The following TPD52 variants were observed in gnomAD, a reference collection of about 807,000 sequenced individuals.
TPD52 encodes the protein prostate and colon associated protein.
Under a neutral mutation model 31.3 loss-of-function variants are expected in TPD52, and 17 were observed. That is an observed-to-expected ratio of 0.54 (90% CI 0.37 to 0.82). TPD52 has a LOEUF of 0.82. Ranked by LOEUF, TPD52 falls within the 40% of genes least tolerant of loss-of-function variation. TPD52 has a pLI of 0.00. For missense variants in TPD52, 212 were observed against 240.1 expected, an observed-to-expected ratio of 0.88 and a Z score of 0.77; for synonymous variants, 83 against 89.6, an observed-to-expected ratio of 0.93 and a Z score of 0.42.
intron 1 of TPD52, among the ~76,000 whole-genome samples, chr8:80,139,035 T>C (rs1246006382): frequency 1.3e-5 from 2 of 151,928 alleles, no homozygotes; most frequent in African/African-American, 2.4e-5. Flanking sequence ...ACCCCATGAG[T>C]CTGCCTCCCG....
intron 1 of TPD52, among the ~76,000 whole-genome samples, chr8:80,131,517 G>T (rs1021038086): frequency 1.3e-5 from 2 of 152,186 alleles, no homozygotes; most frequent in African/African-American, 2.4e-5. Flanking sequence ...GCTACTCCTT[G>T]GCAAGACTCC....
intron 2 of TPD52, among the ~76,000 whole-genome samples, chr8:80,063,524 G>A (rs934160518): frequency 1.3e-5 from 2 of 152,134 alleles, no homozygotes; most frequent in East Asian, 1.9e-4. Context: ...AATTATACTC[G>A]TTAATTTTTT....
chr8:80,034,432 C>T (rs893871368), downstream of TPD52, among the ~76,000 whole-genome samples: 1 of 152,186 alleles, frequency 6.6e-6, no homozygotes, highest in African/African-American at 2.4e-5. Flanking sequence ...CCCAGCCATG[C>T]TTCCCTTGCT....
rs531860192 is a variant in TPD52, at chr8:80,134,642, G to A, written c.19+36783C>T. 2.0e-5 allele frequency among the ~76,000 whole-genome samples: 3 copies of A among 152,346 alleles called. No individual in the cohort carries two copies. In the East Asian group the frequency reaches 5.8e-4, roughly 29 times the overall value. On this transcript the variant is annotated intron_variant, in intron 1 of 7. Coordinates refer to ENST00000518937, the MANE Select transcript of TPD52 (RefSeq NM_001025253.3). The stretch of plus-strand genomic sequence containing the variant: ...TCTCCTTTCTGATCCGAGAGAGAGT[G>A]TGTCATGAAGACACTCAGGCAGCTC...
intron 2 of TPD52, among the ~76,000 whole-genome samples, chr8:80,063,523 C>T (rs901311014): frequency 1.3e-5 from 2 of 152,108 alleles, no homozygotes; most frequent in Non-Finnish European, 1.5e-5. Context: ...GAATTATACT[C>T]GTTAATTTTT....
chr8:80,106,681 A>T (rs1238723110), intron 1 of TPD52, among the ~76,000 whole-genome samples: 2 of 143,336 alleles, frequency 1.4e-5, no homozygotes, highest in African/African-American at 2.6e-5. Context: ...TACTCGTTCT[A>T]TTTTTTTTTT....
intron 2 of TPD52, among the ~76,000 whole-genome samples, chr8:80,058,569 A>G (rs1285025219): frequency 6.6e-6 from 1 of 152,208 alleles, no homozygotes; most frequent in Non-Finnish European, 1.5e-5. Flanking sequence ...AGGCCAAGGC[A>G]GGTGGATCAC....
rs369734682 is a variant in TPD52 at position 80,064,517 on chromosome 8, C to T, written c.96G>A (p.Ser32=). The T allele has an allele frequency of 1.1e-5, 17 of 1,614,032 alleles. No individual in the cohort carries two copies. The highest frequency in any genetic ancestry group is 3.3e-5 in the South Asian group (3 of 91,086). ...TTCTTAGCTCTTCCTGCTCCTCTTC[C>T]GAGAGGGTCTCTGTGGCACTGATCG... The part of the protein sequence containing the change: ...AATISATETL[S]EEEQEELRRE... Residue 32 remains serine (S), a synonymous_variant, in exon 2 of 8, where the codon TCG becomes TCA. Transcript: ENST00000518937.
chr8:80,135,091 G>A (rs1249064539), intron 1 of TPD52, among the ~76,000 whole-genome samples: 1 of 152,130 alleles, frequency 6.6e-6, no homozygotes, highest in Non-Finnish European at 1.5e-5. Flanking sequence ...CAGAAGGGAT[G>A]CACACACAGG....
intron 1 of TPD52, among the ~76,000 whole-genome samples, chr8:80,097,938 C>T (rs1314273579): frequency 6.6e-6 from 1 of 152,186 alleles, no homozygotes; most frequent in Non-Finnish European, 1.5e-5. Context: ...TAAGTTGAAT[C>T]CAATGCTCAT....
At chr8:80,046,800 T>C (rs1810903391) in intron 5 of TPD52, among the ~76,000 whole-genome samples, 1 of 152,216 alleles carries the variant, frequency 6.6e-6, no homozygotes, top group South Asian at 2.1e-4. Flanking sequence ...ACACTGCATT[T>C]ACTCTTACTT....
intron 1 of TPD52, among the ~76,000 whole-genome samples, chr8:80,095,171 G>C (rs1816638980): frequency 6.6e-6 from 1 of 152,088 alleles, no homozygotes; most frequent in Non-Finnish European, 1.5e-5. Flanking sequence ...CATCCAGACA[G>C]TGGAATATTA....
intron 1 of TPD52, among the ~76,000 whole-genome samples, chr8:80,164,400 T>A (rs1811574429): frequency 6.6e-6 from 1 of 152,196 alleles, no homozygotes; most frequent in Non-Finnish European, 1.5e-5. Flanking sequence ...AGTCAATGAA[T>A]GGTGTTAGGC....
chr8:80,136,719 T>C (rs1358629840), intron 1 of TPD52, among the ~76,000 whole-genome samples: 1 of 151,954 alleles, frequency 6.6e-6, no homozygotes, highest in East Asian at 1.9e-4. Context: ...ACTCAACAGC[T>C]CCTAAAATCC....
At chr8:80,169,196 G>A (rs7832093) in intron 1 of TPD52, among the ~76,000 whole-genome samples, 53,365 of 151,918 alleles carry the variant, frequency 0.35, 9,742 homozygotes, top group East Asian at 0.63. Context: ...TGTTGGACAG[G>A]GGTCAAACTC....
intron 1 of TPD52, among the ~76,000 whole-genome samples, chr8:80,076,873 T>C (rs977501003): frequency 6.6e-6 from 1 of 152,148 alleles, no homozygotes; most frequent in South Asian, 2.1e-4. Context: ...GGTTTCACCA[T>C]GATGGCTGGT....
At position 80,075,427 on chromosome 8, in the gene TPD52, T is replaced by C. The variant is rs532488419; in HGVS notation, c.20-10834A>G. Among the ~76,000 whole-genome samples, 5 of 152,330 alleles carry C rather than the reference T, an allele frequency of 3.3e-5. No individual in the cohort carries two copies. In the South Asian group the frequency reaches 8.3e-4, roughly 25 times the overall value. ...AAGCAGGACCCTGAACAGTGGTCAA[T>C]GTCCCCACCCAAGACAGAAGGTTAC... On this transcript the variant is annotated intron_variant, in intron 1 of 7. Transcript: ENST00000518937.
chr8:80,052,145 C>G (rs1049327570), intron 3 of TPD52, among the ~76,000 whole-genome samples: 3 of 152,142 alleles, frequency 2.0e-5, no homozygotes, highest in Non-Finnish European at 2.9e-5. Context: ...TTTTGCATGT[C>G]TTTAGAGAGC....
chr8:80,039,644 T>C (rs531863860), intron 7 of TPD52, among the ~76,000 whole-genome samples: 2 of 152,274 alleles, frequency 1.3e-5, no homozygotes, highest in South Asian at 4.1e-4. Flanking sequence ...AACCCTTCAA[T>C]GGCTTCCCAT....
Sources: allele counts gnomAD v4.1 joint callset (sites outside exome capture counted in the v4.1 genomes callset), GRCh38; gene constraint gnomAD v4.1.1; transcripts MANE v1.5; gene names NCBI Gene and HGNC (gene_info 2026-07-23, HGNC 2026-07-21).